Variants in PTPRD observed in about 807,000 individuals in gnomAD.
PTPRD encodes receptor-type tyrosine-protein phosphatase delta.
PTPRD carries 34 observed loss-of-function variants against 214.5 expected under a neutral mutation model. The observed-to-expected ratio is 0.16, with a 90% CI of 0.12 to 0.21. The LOEUF is 0.21. PTPRD is among the 10% of genes least tolerant of loss of function. PTPRD has a pLI of 1.00. For synonymous variants in PTPRD, 1,128 were observed against 845.7 expected, an observed-to-expected ratio of 1.33 and a Z score of -5.79; for missense variants, 2,545 against 2,398.7, an observed-to-expected ratio of 1.06 and a Z score of -1.27.
chr9:8,985,407 C>T (rs537882552), intron 11 of PTPRD, among the ~76,000 whole-genome samples: 1 of 151,934 alleles, frequency 6.6e-6, no homozygotes, highest in Non-Finnish European at 1.5e-5. Flanking sequence ...TAACCACGAC[C>T]AACATAGATC....
intron 11 of PTPRD, among the ~76,000 whole-genome samples, chr9:8,748,010 A>T (rs2093029514): frequency 1.3e-5 from 2 of 152,144 alleles, no homozygotes; most frequent in Admixed American, 6.6e-5. Flanking sequence ...CATGACTAAG[A>T]TCTACCGCGG....
chr9:9,397,113 C>T (rs968597404), intron 9 of PTPRD, among the ~76,000 whole-genome samples: 1 of 151,908 alleles, frequency 6.6e-6, no homozygotes, highest in East Asian at 1.9e-4. Context: ...GGGTATTCTG[C>T]TATCAATCTA....
intron 9 of PTPRD, among the ~76,000 whole-genome samples, chr9:9,249,579 G>T (rs1016025696): frequency 6.6e-6 from 1 of 151,948 alleles, no homozygotes; most frequent in African/African-American, 2.4e-5. Flanking sequence ...GTCACTGATT[G>T]CCTGGCTTTG....
intron 14 of PTPRD, among the ~76,000 whole-genome samples, chr9:8,578,338 A>C (rs1442392407): frequency 6.6e-6 from 1 of 152,186 alleles, no homozygotes; most frequent in African/African-American, 2.4e-5. Flanking sequence ...TATACTGTTG[A>C]TCGAACAGAG....
chr9:8,607,600 G>A (rs868451543), intron 14 of PTPRD, among the ~76,000 whole-genome samples: 4 of 152,064 alleles, frequency 2.6e-5, no homozygotes, highest in Non-Finnish European at 4.4e-5. Flanking sequence ...CCAAGACTGC[G>A]CCACTGCACT....
chr9:9,924,309 G>A (rs10759104), intron 5 of PTPRD, among the ~76,000 whole-genome samples: 85,744 of 151,728 alleles, frequency 0.57, 27,115 homozygotes, highest in East Asian at 0.89. Flanking sequence ...TTACCAAAAG[G>A]ACCAGATACA....
intron 25 of PTPRD, 134 bp downstream of exon 25, chr9:8,499,513 C>T (rs1270027342): frequency 7.4e-6 from 6 of 807,286 alleles, no homozygotes; most frequent in African/African-American, 1.7e-5. Flanking sequence ...CAATATACAT[C>T]AATGTGAAAT....
intron 14 of PTPRD, among the ~76,000 whole-genome samples, chr9:8,544,524 C>G (rs1296255837): frequency 7.2e-6 from 1 of 139,626 alleles, no homozygotes; most frequent in African/African-American, 2.7e-5. Context: ...GGCTGAAGTG[C>G]AGGGACGTGA....
rs143933061 is a variant in PTPRD, at chr9:9,286,724, T to C, written c.-202-103361A>G. ...CCTAATTTCACTGTAGTTGTCATTTTGCACATCTGTATCCCTTACTGAAAC... is the reference window on the plus strand; with the variant it reads ...CCTAATTTCACTGTAGTTGTCATTTCGCACATCTGTATCCCTTACTGAAAC... On this transcript the variant is annotated intron_variant, in intron 9 of 45. Transcript: ENST00000381196. Among the ~76,000 whole-genome samples, 423 of 150,926 alleles carry C rather than the reference T, an allele frequency of 2.8e-3. 3 individuals are homozygous for C. The highest frequency in any genetic ancestry group is 9.5e-3 in the African/African-American group (392 of 41,258).
chr9:9,290,253 T>C (rs1389259461), intron 9 of PTPRD, among the ~76,000 whole-genome samples: 3 of 151,818 alleles, frequency 2.0e-5, no homozygotes, highest in Non-Finnish European at 4.4e-5. Context: ...TATTTGTATG[T>C]CTTCCTTTGA....
chr9:8,857,142 G>C (rs1164902335), intron 11 of PTPRD, among the ~76,000 whole-genome samples: 1 of 152,122 alleles, frequency 6.6e-6, no homozygotes, highest in Non-Finnish European at 1.5e-5. Flanking sequence ...CAGCTGCGTA[G>C]ACTTTGATTC....
chr9:10,093,661 C>G (rs1374133695), intron 3 of PTPRD, among the ~76,000 whole-genome samples: 2 of 151,394 alleles, frequency 1.3e-5, no homozygotes, highest in African/African-American at 4.8e-5. Flanking sequence ...ATTACAACAC[C>G]ATTTACAATA....
chr9:9,948,603 T>C (rs919066379), intron 4 of PTPRD, among the ~76,000 whole-genome samples: 2 of 152,114 alleles, frequency 1.3e-5, no homozygotes, highest in African/African-American at 4.8e-5. Flanking sequence ...TGACACAATA[T>C]TCTGCAAAAC....
chr9:8,444,721 A>G (rs1336110112), intron 34 of PTPRD, among the ~76,000 whole-genome samples: 1 of 152,142 alleles, frequency 6.6e-6, no homozygotes, highest in African/African-American at 2.4e-5. Flanking sequence ...CTTATTTTCT[A>G]TTTTCCAAAA....
intron 3 of PTPRD, among the ~76,000 whole-genome samples, chr9:10,159,712 A>C (rs1052671509): frequency 1.3e-5 from 2 of 152,028 alleles, no homozygotes; most frequent in Non-Finnish European, 2.9e-5. Context: ...ATATTTGCTG[A>C]GCAAAAAAAA....
intron 3 of PTPRD, among the ~76,000 whole-genome samples, chr9:10,045,508 T>A (rs1567287899): frequency 6.6e-6 from 1 of 151,694 alleles, no homozygotes. Flanking sequence ...GAAGTATCCA[T>A]CTAAACAATA....
Position 9,294,159 on chromosome 9 carries a change from C to T in PTPRD, c.-203+103290G>A, listed in dbSNP as rs147429298. Among the ~76,000 whole-genome samples the T allele has an allele frequency of 2.0e-3, 302 of 151,684 alleles. 2 individuals carry two copies. Among genetic ancestry groups the T allele is most frequent in the African/African-American group, 6.7e-3 (279 of 41,444 alleles). ...TCCTGGGAGGGATGACATGAAATTTCATCACACTACTAAGAATGTTGTGAA... is the reference window on the plus strand; with the variant it reads ...TCCTGGGAGGGATGACATGAAATTTTATCACACTACTAAGAATGTTGTGAA... On this transcript the variant is annotated intron_variant, in intron 9 of 45. Coordinates refer to ENST00000381196, the MANE Select transcript of PTPRD (RefSeq NM_002839.4).
chr9:9,478,813 C>A (rs1432328189), intron 8 of PTPRD, among the ~76,000 whole-genome samples: 1 of 152,124 alleles, frequency 6.6e-6, no homozygotes, highest in Non-Finnish European at 1.5e-5. Context: ...GAGTTTAATC[C>A]TCAGAATTCT....
At chr9:9,920,704 T>C (rs1440806235) in intron 5 of PTPRD, among the ~76,000 whole-genome samples, 1 of 152,152 alleles carries the variant, frequency 6.6e-6, no homozygotes, top group African/African-American at 2.4e-5. Flanking sequence ...GTTAAGCCTC[T>C]TTAGAAAGGA....
Sources: allele counts gnomAD v4.1 joint callset (sites outside exome capture counted in the v4.1 genomes callset), GRCh38; gene constraint gnomAD v4.1.1; transcripts MANE v1.5; gene names NCBI Gene and HGNC (gene_info 2026-07-23, HGNC 2026-07-21).